Variants in PARPBP observed in about 807,000 individuals in gnomAD.
PARPBP encodes PARP1 binding protein.
Under a neutral mutation model 50.0 loss-of-function variants are expected in PARPBP, and 52 were observed. That is an observed-to-expected ratio of 1.04 (90% CI 0.83 to 1.31). PARPBP has a LOEUF of 1.31. Among genes scored for constraint, PARPBP ranks in the 50% most tolerant of loss-of-function variants. The probability of loss-of-function intolerance (pLI) is 0.00; values close to 1 mark genes in which losing one functional copy is unlikely to be tolerated. For missense variants in PARPBP, 697 were observed against 672.0 expected, an observed-to-expected ratio of 1.04 and a Z score of -0.41; for synonymous variants, 244 against 232.1, an observed-to-expected ratio of 1.05 and a Z score of -0.47.
chr12:102,128,973 T>G (rs2137274358), intron 2 of PARPBP, among the ~76,000 whole-genome samples: 1 of 152,322 alleles, frequency 6.6e-6, no homozygotes, highest in East Asian at 1.9e-4. Context: ...TTTTAACACT[T>G]TTATCTTTTC....
intron 1 of PARPBP, chr12:102,120,554 A>G (rs1440471176): frequency 4.4e-6 from 2 of 454,676 alleles, no homozygotes; most frequent in Non-Finnish European, 8.8e-6. Flanking sequence ...CTTAACTTCC[A>G]TTAGTTAGGC....
intron 2 of PARPBP, among the ~76,000 whole-genome samples, chr12:102,144,352 T>G (rs1044272837): frequency 1.3e-5 from 2 of 152,234 alleles, no homozygotes; most frequent in Non-Finnish European, 2.9e-5. Context: ...AGAATTAAAG[T>G]GGTGAACATT....
intron 2 of PARPBP, among the ~76,000 whole-genome samples, chr12:102,125,761 A>G (rs565193336): frequency 4.6e-4 from 70 of 152,364 alleles, no homozygotes; most frequent in South Asian, 1.7e-3. Context: ...GATAAGGCAG[A>G]CATTATGTAG....
chr12:102,140,876 A>G (rs892726128), intron 2 of PARPBP, among the ~76,000 whole-genome samples: 1 of 152,158 alleles, frequency 6.6e-6, no homozygotes, highest in Non-Finnish European at 1.5e-5. Flanking sequence ...GTTCTTTTAC[A>G]TTTGCTAAGG....
chr12:102,125,504 G>A (rs545670737), intron 2 of PARPBP, among the ~76,000 whole-genome samples: 9 of 152,258 alleles, frequency 5.9e-5, no homozygotes, highest in African/African-American at 2.2e-4. Context: ...AGGGACTACC[G>A]CAGGCAAAGG....
At chr12:102,175,447 A>G (rs777395385) in intron 6 of PARPBP, 36 bp from the exon 7 acceptor site, 21 of 1,426,602 alleles carry the variant, frequency 1.5e-5, no homozygotes, top group East Asian at 9.2e-5. Context: ...ATAATTTGCA[A>G]TACTGCTATA....
chr12:102,197,214 G>T lies in PARPBP; in HGVS notation c.*923G>T, dbSNP rs755212805. 14 of 1,383,298 alleles carry T rather than the reference G, an allele frequency of 1.0e-5. No individual in the cohort carries two copies. The East Asian group carries it at 3.0e-4, about 29-fold the overall frequency. 85.7% of individuals were successfully genotyped at this position (1,383,298 alleles called of 1,614,324 possible). A position where few individuals can be genotyped will look rare whatever the true frequency, so the allele number is the denominator to read the frequency against. On this transcript the variant is annotated 3_prime_UTR_variant, in exon 11 of 11. Coordinates refer to ENST00000327680, the MANE Select transcript of PARPBP (RefSeq NM_017915.5). The stretch of plus-strand genomic sequence containing the variant: ...ATTTGGTTTTTAGCTATCGTATTCG[G>T]AGTGGAACTATAATACAATTGTATA...
chr12:102,189,369 A>T (rs1259527650), intron 9 of PARPBP, among the ~76,000 whole-genome samples: 2 of 152,224 alleles, frequency 1.3e-5, no homozygotes, highest in Non-Finnish European at 2.9e-5. Flanking sequence ...TAGAACTTTC[A>T]GTGATGGAAA....
chr12:102,193,013 CATTA>C (rs1890941378), intron 9 of PARPBP, among the ~76,000 whole-genome samples: 1 of 151,186 alleles, frequency 6.6e-6, no homozygotes, highest in African/African-American at 2.4e-5. Context: ...TAGAGAAAGT[CATTA>C]ATTATTTTTC....
intron 2 of PARPBP, among the ~76,000 whole-genome samples, chr12:102,132,094 A>G (rs1384109316): frequency 6.6e-6 from 1 of 152,100 alleles, no homozygotes; most frequent in African/African-American, 2.4e-5. Flanking sequence ...AATCCCAGCT[A>G]CTTGAGAGGC....
chr12:102,141,336 T>G (rs1257126657), intron 2 of PARPBP, among the ~76,000 whole-genome samples: 2 of 152,144 alleles, frequency 1.3e-5, no homozygotes, highest in African/African-American at 4.8e-5. Flanking sequence ...TCCATTTGCT[T>G]GGTAGATCTT....
In PARPBP at chr12:102,195,457, C is replaced by G. The variant is rs1287751475; in HGVS notation, c.1399+10C>G. The G allele has an allele frequency of 1.3e-6, 2 of 1,562,756 alleles. No individual in the cohort carries two copies. The highest frequency in any genetic ancestry group is 1.7e-6 in the Non-Finnish European group (2 of 1,148,944). On this transcript the variant is annotated intron_variant, in intron 10 of 10. Transcript: ENST00000327680. ...GAAAATGACCTTTCTGGTAATTGAC[C>G]TTATTTGTGCAATTAAATAACAATT... is the stretch of plus-strand genomic sequence containing the variant.
chr12:102,124,112 T>C (rs1409904923), intron 2 of PARPBP, 71 bp downstream of exon 2: 1 of 1,018,744 alleles, frequency 9.8e-7, no homozygotes, highest in African/African-American at 1.6e-5. Context: ...TTGAATAAAC[T>C]TAAGCTTAAG....
chr12:102,140,644 C>T (rs1396170979), intron 2 of PARPBP, among the ~76,000 whole-genome samples: 2 of 152,222 alleles, frequency 1.3e-5, no homozygotes, highest in African/African-American at 2.4e-5. Context: ...TCCCTCTACA[C>T]ACTGCTTTAA....
At chr12:102,139,424 G>A (rs1179900889) in intron 2 of PARPBP, among the ~76,000 whole-genome samples, 1 of 152,194 alleles carries the variant, frequency 6.6e-6, no homozygotes, top group Non-Finnish European at 1.5e-5. Context: ...AATGTCATCT[G>A]CAAACAGGGA....
At position 102,195,342 on chromosome 12, in the gene PARPBP, G is replaced by A. The variant is rs760179523; in HGVS notation, c.1294G>A (p.Ala432Thr). 2 of 1,568,730 alleles carry A rather than the reference G, an allele frequency of 1.3e-6. No homozygotes were observed. Among genetic ancestry groups the A allele is most frequent in the Non-Finnish European group, 8.7e-7 (1 of 1,148,752 alleles). ...MKQTLIRSQF[A>T]CTYKDDYMIS... ...GCAAACTTTAATTAGATCCCAATTT[G>A]CTTGTACTTATAAAGATGACTACAT... The change falls in exon 10 of 11, where the codon GCT becomes ACT. Residue 432 changes from alanine (A) to threonine (T), a missense_variant. By Grantham distance (58) the Ala-to-Thr change is moderately conservative (BLOSUM62 0). Transcript: ENST00000327680.
At chr12:102,128,762 A>G (rs1428683830) in intron 2 of PARPBP, among the ~76,000 whole-genome samples, 1 of 152,168 alleles carries the variant, frequency 6.6e-6, no homozygotes, top group African/African-American at 2.4e-5. Context: ...TATCTTGGCT[A>G]TTGTGAACAA....
At chr12:102,161,204 C>G (rs888264082) in intron 4 of PARPBP, among the ~76,000 whole-genome samples, 1 of 151,950 alleles carries the variant, frequency 6.6e-6, no homozygotes, top group Non-Finnish European at 1.5e-5. Context: ...CTCCCAGGTT[C>G]AAGTGATTCT....
At chr12:102,179,123 G>C (rs1233816366) in intron 8 of PARPBP, among the ~76,000 whole-genome samples, 1 of 152,110 alleles carries the variant, frequency 6.6e-6, no homozygotes, top group Non-Finnish European at 1.5e-5. Context: ...AGAATTAGAG[G>C]CTCCACTTTA....
Sources: gnomAD v4.1 joint callset for allele counts (sites outside exome capture counted in the v4.1 genomes callset) on GRCh38, gnomAD v4.1.1 for gene constraint, MANE v1.5 for transcripts, NCBI Gene and HGNC (gene_info 2026-07-23, HGNC 2026-07-21) for gene names.